EPDR1: variants seen among roughly 807,000 people sequenced by gnomAD.
The protein encoded by EPDR1 is mammalian ependymin-related protein 1.
EPDR1 carries 27 observed loss-of-function variants against 23.7 expected under a neutral mutation model. The observed-to-expected ratio is 1.14, with a 90% CI of 0.84 to 1.57. The LOEUF is 1.57. Among genes scored for constraint, EPDR1 ranks in the 40% most tolerant of loss-of-function variants. EPDR1 has a pLI of 0.00. For missense variants in EPDR1, 349 were observed against 290.4 expected (o/e 1.20, Z -1.47); for synonymous variants, 137 against 118.2 (o/e 1.16, Z -1.03).
chr7:37,920,949 C>T lies in EPDR1; in HGVS notation c.10C>T (p.Arg4Cys), dbSNP rs765685272. 1 of 1,603,326 alleles carries T rather than the reference C, an allele frequency of 6.2e-7. No individual in the cohort carries two copies. Among genetic ancestry groups the T allele is most frequent in the Non-Finnish European group, 8.5e-7 (1 of 1,176,388 alleles). MPG[R>C]APLRTVPGAL... ...GGGAAGGCTGACCGCGATGCCAGGACGCGCTCCCCTCCGCACCGTCCCGGG... is the reference window on the plus strand; with the variant it reads ...GGGAAGGCTGACCGCGATGCCAGGATGCGCTCCCCTCCGCACCGTCCCGGG... The change falls in exon 1 of 3, where the codon CGC becomes TGC. Residue 4 changes from arginine (R) to cysteine (C), a missense_variant. By Grantham distance (180) the Arg-to-Cys change is radical. Coordinates refer to ENST00000199448, the MANE Select transcript of EPDR1 (RefSeq NM_017549.5).
chr7:37,946,327 A>T (rs1189865503), intron 1 of EPDR1, among the ~76,000 whole-genome samples: 2 of 152,244 alleles, frequency 1.3e-5, no homozygotes, highest in East Asian at 1.9e-4. Flanking sequence ...ACAATGGTTG[A>T]ACTAATTTAT....
At chr7:37,923,105 T>A (rs1437676606) in intron 1 of EPDR1, among the ~76,000 whole-genome samples, 1 of 152,198 alleles carries the variant, frequency 6.6e-6, no homozygotes, top group Admixed American at 6.5e-5. Flanking sequence ...AGGGTCATAC[T>A]GAGGAGTTTT....
At chr7:37,946,235 G>C (rs910269106) in intron 1 of EPDR1, among the ~76,000 whole-genome samples, 1 of 152,142 alleles carries the variant, frequency 6.6e-6, no homozygotes. Flanking sequence ...TATATTCCTT[G>C]GGGTATATAC....
intron 1 of EPDR1, among the ~76,000 whole-genome samples, chr7:37,925,087 T>G (rs2131999359): frequency 6.6e-6 from 1 of 152,344 alleles, no homozygotes; most frequent in East Asian, 1.9e-4. Flanking sequence ...TGGGAAATAT[T>G]AGTAATTGAT....
In EPDR1 at chr7:37,920,830, C is replaced by T; in HGVS notation, c.-110C>T. 1 of 1,610,470 alleles carries T rather than the reference C, an allele frequency of 6.2e-7. No homozygotes were observed. Among genetic ancestry groups the T allele is most frequent in the Non-Finnish European group, 8.5e-7 (1 of 1,178,480 alleles). On this transcript the variant is annotated 5_prime_UTR_variant, in exon 1 of 3. Transcript: ENST00000199448. ...GGACAGGAAGCACTTTGGTCCAGAC[C>T]ACACTCCCGGCACAGTGCGGAAAGA...
At chr7:37,921,715 T>C (rs893208631) in intron 1 of EPDR1, among the ~76,000 whole-genome samples, 5 of 152,152 alleles carry the variant, frequency 3.3e-5, no homozygotes, top group Non-Finnish European at 7.4e-5. Context: ...AAAAAGAAAA[T>C]TTCACCCACA....
In EPDR1 at chr7:37,951,921, C is replaced by T. The variant is rs1376260; in HGVS notation, c.*1525C>T. On this transcript the variant is annotated 3_prime_UTR_variant, in exon 3 of 3. Transcript: ENST00000199448. ...AAACAATGCTGTAATAAATAAAGTG[C>T]TTCATGTGATCAAAATCAAATTTGT... The T allele has an allele frequency of 0.89, 135,183 of 152,242 alleles. 60,500 individuals are homozygous for T. The highest frequency in any genetic ancestry group is 0.93 in the Non-Finnish European group (63,346 of 68,024). 9.4% of individuals were successfully genotyped at this position (152,242 alleles called of 1,614,324 possible).
chr7:37,924,247 G>C (rs1785772346), intron 1 of EPDR1, among the ~76,000 whole-genome samples: 1 of 152,228 alleles, frequency 6.6e-6, no homozygotes, highest in African/African-American at 2.4e-5. Context: ...TCTAATGATT[G>C]CCTGCCCTAG....
At chr7:37,932,722 G>T (rs922904541) in intron 1 of EPDR1, among the ~76,000 whole-genome samples, 8 of 152,140 alleles carry the variant, frequency 5.3e-5, no homozygotes, top group Non-Finnish European at 1.2e-4. Flanking sequence ...TGAGCACCAT[G>T]GCAACCTGGA....
chr7:37,930,303 G>C (rs892928230), intron 1 of EPDR1, among the ~76,000 whole-genome samples: 14 of 152,210 alleles, frequency 9.2e-5, no homozygotes, highest in Non-Finnish European at 4.4e-5. Flanking sequence ...GGAAGACAGT[G>C]GCAGATGGGA....
chr7:37,926,355 C>T (rs529346225), intron 1 of EPDR1, among the ~76,000 whole-genome samples: 19 of 151,886 alleles, frequency 1.3e-4, no homozygotes, highest in Admixed American at 1.1e-3. Flanking sequence ...CCAGCAAGGA[C>T]ATTCTCCTGC....
intron 2 of EPDR1, among the ~76,000 whole-genome samples, chr7:37,949,974 G>T (rs544351384): frequency 6.7e-6 from 1 of 148,550 alleles, no homozygotes; most frequent in East Asian, 4.1e-4. Context: ...GGAGGAATGG[G>T]AAGTTCGTGT....
intron 1 of EPDR1, among the ~76,000 whole-genome samples, chr7:37,933,332 T>A (rs1785980897): frequency 6.6e-6 from 1 of 152,218 alleles, no homozygotes; most frequent in Admixed American, 6.5e-5. Context: ...GTCTACTCCC[T>A]TTTCTGTAAT....
At chr7:37,937,984 A>ATTTTTTTTTTTTTTTTTTTT (rs1347900474) in intron 1 of EPDR1, among the ~76,000 whole-genome samples, 2 of 62,244 alleles carry the variant, frequency 3.2e-5, no homozygotes, top group Non-Finnish European at 3.1e-5. Context: ...GTGCCCTTTA[A>ATTTTTTTTTTTTTTTTTTTT]ATTTTTTTTT....
chr7:37,945,810 C>T lies in EPDR1; in HGVS notation c.270-3030C>T, dbSNP rs145895607. 2.3e-3 allele frequency among the ~76,000 whole-genome samples: 356 copies of T among 152,256 alleles called. 1 individual carries two copies. The highest frequency in any genetic ancestry group is 8.2e-3 in the African/African-American group (341 of 41,546). On this transcript the variant is annotated intron_variant, in intron 1 of 2. Transcript: ENST00000199448. ...ACGTGTGCCATGGTATCTTGCTGCA[C>T]GGATCATCCCATCACCTAGGTATTA...
At chr7:37,941,079 C>A (rs1158264477) in intron 1 of EPDR1, among the ~76,000 whole-genome samples, 2 of 152,078 alleles carry the variant, frequency 1.3e-5, no homozygotes, top group South Asian at 2.1e-4. Flanking sequence ...CTCCCTCTGG[C>A]CAAACTTGGG....
At chr7:37,947,096 C>T (rs1786291706) in intron 1 of EPDR1, among the ~76,000 whole-genome samples, 1 of 152,178 alleles carries the variant, frequency 6.6e-6, no homozygotes, top group Non-Finnish European at 1.5e-5. Context: ...TCACCACTCA[C>T]TCACTCACTC....
rs777288095 is a variant in EPDR1, at chr7:37,921,023, C to G, written c.84C>G (p.Cys28Trp). Residue 28 changes from cysteine (C) to tryptophan (W), a missense_variant, in exon 1 of 3, where the codon TGC (cysteine) becomes TGG (tryptophan). Transcript: ENST00000199448. ...LLGGLWAWTL[C>W]GLCSLGAVGA... is the part of the protein sequence containing the mutation. ...GCGGCCTCTGGGCCTGGACCCTGTG[C>G]GGCCTGTGCAGCCTGGGGGCGGTGG... The G allele has an allele frequency of 1.3e-6, 2 of 1,522,566 alleles. No homozygotes were observed. The highest frequency in any genetic ancestry group is 4.1e-5 in the Admixed American group (2 of 48,364). The allele number at this position is 1,522,566 out of a possible 1,614,324, so 94.3% of individuals were successfully genotyped here. A position where few individuals can be genotyped will look rare whatever the true frequency, so the allele number is the denominator to read the frequency against.
chr7:37,924,904 T>C (rs983633481), intron 1 of EPDR1, among the ~76,000 whole-genome samples: 3 of 152,210 alleles, frequency 2.0e-5, no homozygotes, highest in East Asian at 3.9e-4. Flanking sequence ...GAAGTAAGTT[T>C]TAGAATTGGA....
Sources: allele counts gnomAD v4.1 joint callset (sites outside exome capture counted in the v4.1 genomes callset), GRCh38; gene constraint gnomAD v4.1.1; transcripts MANE v1.5; gene names NCBI Gene and HGNC (gene_info 2026-07-23, HGNC 2026-07-21).